SAXO1: variants seen among roughly 807,000 people sequenced by gnomAD.
SAXO1 encodes stabilizer of axonemal microtubules 1.
SAXO1 carries 21 observed loss-of-function variants against 17.5 expected under a neutral mutation model. That is an observed-to-expected ratio of 1.20 (90% CI 0.85 to 1.72). The LOEUF (loss-of-function observed/expected upper bound fraction) is 1.72, where lower values mean the gene tolerates loss of function less well. Ranked by LOEUF, SAXO1 falls within the 40% of genes most tolerant of loss-of-function variation. The pLI is 0.00. For synonymous variants in SAXO1, 274 were observed against 216.5 expected, an observed-to-expected ratio of 1.27 and a Z score of -2.33; for missense variants, 843 against 596.0, an observed-to-expected ratio of 1.41 and a Z score of -4.32.
intron 1 of SAXO1, among the ~76,000 whole-genome samples, chr9:18,987,913 A>T (rs1833661281): frequency 6.7e-6 from 1 of 148,694 alleles, no homozygotes; most frequent in South Asian, 2.2e-4. Flanking sequence ...AAAAAAAGAA[A>T]AAAAGAAAAA....
intron 1 of SAXO1, among the ~76,000 whole-genome samples, chr9:19,020,359 TGTGAGACAGGGTC>T (rs1835169828): frequency 6.7e-6 from 1 of 148,160 alleles, no homozygotes. Context: ...TTTTTTTTTT[TGTGAGACAGGGTC>T]TTGCCTTGTT....
Position 18,928,296 on chromosome 9 carries a change from G to C in SAXO1, c.1181C>G (p.Ser394Cys). ...INTKSCKPHW[S>C]GPRGNVPVES... ...CACAGGGACATTTCCTCGAGGGCCA[G>C]ACCAATGAGGCTTACAGCTTTTGGT... is the stretch of plus-strand genomic sequence containing the variant. The change falls in exon 4 of 4, where the codon TCT becomes TGT. Residue 394 changes from serine (S) to cysteine (C), a missense_variant. Ser to Cys is a moderately radical substitution (Grantham distance 112). Transcript: ENST00000380534. 1 of 1,613,134 alleles carries C rather than the reference G, an allele frequency of 6.2e-7. No individual in the cohort carries two copies. The highest frequency in any genetic ancestry group is 8.5e-7 in the Non-Finnish European group (1 of 1,179,278).
At chr9:18,929,620 G>A (rs535882882) in intron 3 of SAXO1, among the ~76,000 whole-genome samples, 5 of 152,336 alleles carry the variant, frequency 3.3e-5, no homozygotes, top group African/African-American at 1.2e-4. Flanking sequence ...GTATTGGGTG[G>A]TGAGAGAACA....
At chr9:18,995,140 C>T (rs1334324495) in intron 1 of SAXO1, among the ~76,000 whole-genome samples, 5 of 152,158 alleles carry the variant, frequency 3.3e-5, no homozygotes. Flanking sequence ...ATTCTCCCTC[C>T]CTTTTCTCCC....
intron 1 of SAXO1, among the ~76,000 whole-genome samples, chr9:19,004,074 G>A (rs550890177): frequency 1.1e-3 from 162 of 152,224 alleles, no homozygotes; most frequent in Non-Finnish European, 1.2e-3. Flanking sequence ...GCAGGCAAAG[G>A]CTATGAACAG....
intron 1 of SAXO1, among the ~76,000 whole-genome samples, chr9:19,044,429 T>C (rs557516672): frequency 6.6e-6 from 1 of 152,346 alleles, no homozygotes; most frequent in South Asian, 2.1e-4. Context: ...CACACGCATT[T>C]ATCTTTCTCC....
intron 2 of SAXO1, among the ~76,000 whole-genome samples, chr9:18,942,252 T>C (rs1289551072): frequency 6.6e-6 from 1 of 152,214 alleles, no homozygotes; most frequent in African/African-American, 2.4e-5. Context: ...ATCAGATGGC[T>C]TTCCCCAGTT....
intron 3 of SAXO1, among the ~76,000 whole-genome samples, chr9:18,934,226 T>G (rs543926876): frequency 6.6e-6 from 1 of 152,332 alleles, no homozygotes; most frequent in South Asian, 2.1e-4. Context: ...TTAATAAACA[T>G]TTTTCATAAA....
intron 1 of SAXO1, among the ~76,000 whole-genome samples, chr9:18,979,341 T>C (rs569487729): frequency 6.6e-6 from 1 of 152,364 alleles, no homozygotes; most frequent in South Asian, 2.1e-4. Context: ...ATACTTGTTT[T>C]CATGTGAGGG....
At chr9:19,027,813 A>C (rs1218160388) in intron 1 of SAXO1, 11 of 1,495,706 alleles carry the variant, frequency 7.4e-6, no homozygotes, top group African/African-American at 1.4e-5. Context: ...ACCCAAGTTA[A>C]GGTAATTGCA....
intron 1 of SAXO1, among the ~76,000 whole-genome samples, chr9:19,010,434 C>T (rs2130986377): frequency 6.6e-6 from 1 of 152,026 alleles, no homozygotes; most frequent in East Asian, 1.9e-4. Context: ...CACCTCTGGT[C>T]CTACTAAACA....
chr9:19,041,421 T>C (rs1334903597), intron 1 of SAXO1, among the ~76,000 whole-genome samples: 1 of 152,150 alleles, frequency 6.6e-6, no homozygotes, highest in Non-Finnish European at 1.5e-5. Context: ...CCAATAACAT[T>C]CTGCGCAGAA....
At chr9:18,956,909 G>C (rs1832281117) in intron 1 of SAXO1, among the ~76,000 whole-genome samples, 1 of 152,218 alleles carries the variant, frequency 6.6e-6, no homozygotes, top group Admixed American at 6.5e-5. Flanking sequence ...GTGCTATGAA[G>C]ATGTTATCCT....
At chr9:19,013,235 G>T (rs561198051) in intron 1 of SAXO1, among the ~76,000 whole-genome samples, 7 of 152,338 alleles carry the variant, frequency 4.6e-5, no homozygotes, top group South Asian at 2.1e-4. Flanking sequence ...AAGGCATAAG[G>T]CATGGCAATT....
chr9:19,015,350 TTTTTTG>T (rs949417297), intron 1 of SAXO1, among the ~76,000 whole-genome samples: 1 of 152,058 alleles, frequency 6.6e-6, no homozygotes, highest in Non-Finnish European at 1.5e-5. Context: ...TGTTTTGTTA[TTTTTTG>T]TTTTTGAGAC....
At chr9:18,955,859 C>T (rs1373877732) in intron 1 of SAXO1, among the ~76,000 whole-genome samples, 2 of 152,272 alleles carry the variant, frequency 1.3e-5, no homozygotes, top group Non-Finnish European at 2.9e-5. Context: ...GGCTATGACT[C>T]TTCTGCTCAG....
intron 1 of SAXO1, among the ~76,000 whole-genome samples, chr9:18,987,149 A>T (rs1272304027): frequency 5.3e-5 from 8 of 152,226 alleles, no homozygotes; most frequent in Non-Finnish European, 7.3e-5. Context: ...CTCTCAGGTG[A>T]TTAACAAGGA....
chr9:19,033,564 C>G (rs1027634042), upstream of SAXO1, among the ~76,000 whole-genome samples: 6 of 152,338 alleles, frequency 3.9e-5, no homozygotes, highest in African/African-American at 1.2e-4. Flanking sequence ...AACAGGGTTT[C>G]CAGATCTTCC....
At chr9:18,931,910 T>C (rs1431110740) in intron 3 of SAXO1, among the ~76,000 whole-genome samples, 4 of 152,220 alleles carry the variant, frequency 2.6e-5, no homozygotes, top group Non-Finnish European at 5.9e-5. Context: ...TAAATACAAA[T>C]CTTACACCAG....
Sources: gnomAD v4.1 joint callset for allele counts (sites outside exome capture counted in the v4.1 genomes callset) on GRCh38, gnomAD v4.1.1 for gene constraint, MANE v1.5 for transcripts, NCBI Gene and HGNC (gene_info 2026-07-23, HGNC 2026-07-21) for gene names.